Variants in TRHDE observed in about 807,000 individuals in gnomAD.
TRHDE encodes thyrotropin-releasing hormone-degrading ectoenzyme.
TRHDE carries 72 observed loss-of-function variants against 125.7 expected under a neutral mutation model. The ratio of observed to expected loss-of-function variants is 0.57; its 90% confidence interval spans 0.47 to 0.70. TRHDE has a LOEUF of 0.70. TRHDE is among the 30% of genes least tolerant of loss of function. The pLI, the probability that TRHDE is intolerant of heterozygous loss-of-function variation, is 0.00. For missense variants in TRHDE, 1,110 were observed against 1,327.1 expected (o/e 0.84, Z 2.54); for synonymous variants, 509 against 509.1 (o/e 1.00, Z 0.00).
intron 6 of TRHDE, among the ~76,000 whole-genome samples, chr12:72,521,829 A>G (rs1222168602): frequency 6.6e-6 from 1 of 152,184 alleles, no homozygotes; most frequent in African/African-American, 2.4e-5. Context: ...GAGCCGTTGA[A>G]ACTATTTCAG....
chr12:72,117,859 T>C (rs1875484683), intron 2 of TRHDE, among the ~76,000 whole-genome samples: 1 of 152,014 alleles, frequency 6.6e-6, no homozygotes, highest in Non-Finnish European at 1.5e-5. Context: ...TTCTTGGTTT[T>C]TTTTTTTCAG....
At chr12:72,327,588 G>A (rs1869399149) in intron 2 of TRHDE, among the ~76,000 whole-genome samples, 4 of 151,994 alleles carry the variant, frequency 2.6e-5, no homozygotes, top group Admixed American at 2.0e-4. Flanking sequence ...TAGCAACAGG[G>A]GAAACTGCTC....
chr12:72,103,945 A>G (rs1875124532), intron 1 of TRHDE, among the ~76,000 whole-genome samples: 1 of 152,118 alleles, frequency 6.6e-6, no homozygotes, highest in South Asian at 2.1e-4. Flanking sequence ...TCATTGCTTG[A>G]GAGCTGTAGA....
chr12:72,511,056 A>C (rs1878562577), intron 6 of TRHDE, among the ~76,000 whole-genome samples: 3 of 152,316 alleles, frequency 2.0e-5, no homozygotes, highest in South Asian at 4.1e-4. Flanking sequence ...AGTTAATATA[A>C]GAAAGAACTT....
chr12:72,588,042 T>TA (rs1287069116), intron 12 of TRHDE, among the ~76,000 whole-genome samples: 1 of 152,192 alleles, frequency 6.6e-6, no homozygotes, highest in Non-Finnish European at 1.5e-5. Context: ...CCTTATCCTG[T>TA]ACTGGTAAGC....
intron 2 of TRHDE, among the ~76,000 whole-genome samples, chr12:72,195,064 G>C (rs985539256): frequency 6.6e-6 from 1 of 152,018 alleles, no homozygotes; most frequent in African/African-American, 2.4e-5. Context: ...TTCTTCACAT[G>C]GCAACAGGAA....
chr12:72,275,650 G>A (rs947007773), intron 1 of TRHDE, among the ~76,000 whole-genome samples: 9 of 152,134 alleles, frequency 5.9e-5, no homozygotes, highest in South Asian at 4.1e-4. Flanking sequence ...GAAAAATCCT[G>A]TTTTTTGAGC....
At chr12:72,652,601 A>T in intron 16 of TRHDE, 112 bp downstream of exon 16, 1 of 732,290 alleles carries the variant, frequency 1.4e-6, no homozygotes, top group Non-Finnish European at 2.1e-6. Flanking sequence ...TTTAAAATAT[A>T]TCTTCCTAAA....
chr12:72,359,305 T>G (rs545346271), intron 2 of TRHDE, among the ~76,000 whole-genome samples: 1 of 151,714 alleles, frequency 6.6e-6, no homozygotes, highest in South Asian at 2.1e-4. Flanking sequence ...AGAATTATGG[T>G]TGGTAGTGAA....
chr12:72,622,366 A>G (rs376827827), intron 15 of TRHDE, among the ~76,000 whole-genome samples: 6 of 152,106 alleles, frequency 3.9e-5, no homozygotes, highest in African/African-American at 1.4e-4. Context: ...AATACTAAAC[A>G]TAAAAATAAT....
At chr12:72,583,316 G>A (rs1046347320) in intron 12 of TRHDE, among the ~76,000 whole-genome samples, 3 of 152,106 alleles carry the variant, frequency 2.0e-5, no homozygotes, top group African/African-American at 4.8e-5. Flanking sequence ...CTTTCTAACC[G>A]GTATAAGTTG....
intron 2 of TRHDE, chr12:72,256,258 CTTTTCCTT>C (rs1878811847): frequency 6.6e-6 from 1 of 152,192 alleles, no homozygotes; most frequent in African/African-American, 2.4e-5. Flanking sequence ...ACCCCACCTA[CTTTTCCTT>C]TTTTCCTACT....
intron 3 of TRHDE, among the ~76,000 whole-genome samples, chr12:72,457,379 C>T (rs886437887): frequency 2.6e-5 from 4 of 152,160 alleles, no homozygotes; most frequent in Admixed American, 6.6e-5. Context: ...GCCCTCATTA[C>T]GCCAAGCACT....
chr12:72,541,721 A>G (rs899677759), intron 6 of TRHDE, among the ~76,000 whole-genome samples: 1 of 151,440 alleles, frequency 6.6e-6, no homozygotes, highest in Non-Finnish European at 1.5e-5. Context: ...CTTTACAAGG[A>G]GAAAAGTAAG....
intron 7 of TRHDE, among the ~76,000 whole-genome samples, chr12:72,544,895 G>A (rs916079927): frequency 2.0e-5 from 3 of 151,298 alleles, no homozygotes; most frequent in Non-Finnish European, 3.0e-5. Flanking sequence ...TTTTTGTAAT[G>A]TTTTGTATGG....
chr12:72,379,133 T>G (rs943603247), intron 3 of TRHDE, among the ~76,000 whole-genome samples: 1 of 152,226 alleles, frequency 6.6e-6, no homozygotes, highest in Non-Finnish European at 1.5e-5. Context: ...CAGGGTCTCC[T>G]CCCTGGAGAA....
chr12:72,614,856 T>G (rs1872758123), intron 12 of TRHDE, among the ~76,000 whole-genome samples: 3 of 152,182 alleles, frequency 2.0e-5, no homozygotes, highest in Admixed American at 6.6e-5. Flanking sequence ...ATTTGGGATC[T>G]TAGGTGGAAA....
intron 2 of TRHDE, among the ~76,000 whole-genome samples, chr12:72,366,613 A>G (rs962329893): frequency 2.0e-5 from 3 of 152,094 alleles, no homozygotes; most frequent in African/African-American, 7.2e-5. Context: ...TAAGAAACTT[A>G]AAGTCTTGTA....
chr12:72,358,689 A>G (rs949004630), intron 2 of TRHDE, among the ~76,000 whole-genome samples: 1 of 151,612 alleles, frequency 6.6e-6, no homozygotes, highest in African/African-American at 2.4e-5. Flanking sequence ...AGCTAAAGGA[A>G]TACTAAAAAG....
Sources: gnomAD v4.1 joint callset for allele counts (sites outside exome capture counted in the v4.1 genomes callset) on GRCh38, gnomAD v4.1.1 for gene constraint, MANE v1.5 for transcripts, NCBI Gene and HGNC (gene_info 2026-07-23, HGNC 2026-07-21) for gene names.